Variants in TTC28 observed in about 807,000 individuals in gnomAD.
The protein encoded by TTC28 is tetratricopeptide repeat protein 28.
A neutral mutation model predicts 198.0 loss-of-function variants in TTC28; 61 were observed. The ratio of observed to expected loss-of-function variants is 0.31; its 90% CI spans 0.25 to 0.38. TTC28 has a LOEUF of 0.38. Ranked by LOEUF, TTC28 falls within the 10% of genes least tolerant of loss-of-function variation. The probability of loss-of-function intolerance (pLI) is 1.00; values close to 1 mark genes in which losing one functional copy is unlikely to be tolerated. For synonymous variants in TTC28, 1,171 were observed against 1,297.8 expected, an observed-to-expected ratio of 0.90 and a Z score of 2.10; for missense variants, 2,678 against 3,164.0, an observed-to-expected ratio of 0.85 and a Z score of 3.69.
At chr22:28,178,646 GTGGCTGGAGAGGAGT>G (rs1369906653) in intron 5 of TTC28, among the ~76,000 whole-genome samples, 2 of 152,236 alleles carry the variant, frequency 1.3e-5, no homozygotes, top group Non-Finnish European at 2.9e-5. Context: ...AGCAGGGGTA[GTGGCTGGAGAGGAGT>G]TTGTAAAGGT....
intron 2 of TTC28, among the ~76,000 whole-genome samples, chr22:28,436,887 C>T (rs2047528510): frequency 6.6e-6 from 1 of 152,158 alleles, no homozygotes; most frequent in Non-Finnish European, 1.5e-5. Context: ...TTTTCATCTT[C>T]TTCTTTTGAA....
chr22:28,226,985 G>C (rs1488154952), intron 5 of TTC28, among the ~76,000 whole-genome samples: 1 of 152,144 alleles, frequency 6.6e-6, no homozygotes, highest in African/African-American at 2.4e-5. Flanking sequence ...GAGTGCAGTA[G>C]AGCAATCATA....
chr22:28,489,613 CTA>C (rs1375654933), intron 2 of TTC28, among the ~76,000 whole-genome samples: 1 of 152,004 alleles, frequency 6.6e-6, no homozygotes, highest in Non-Finnish European at 1.5e-5. Context: ...TATATTCACT[CTA>C]TATTAGTCAA....
Position 28,483,431 on chromosome 22 carries a change from A to G in TTC28, c.381+146121T>C, listed in dbSNP as rs181374528. 2.0e-3 allele frequency among the ~76,000 whole-genome samples: 304 copies of G among 152,242 alleles called. 2 individuals are homozygous for G. The highest frequency in any genetic ancestry group is 6.3e-3 in the African/African-American group (263 of 41,536). ...GATAATTAAATACTGATACTGACTC[A>G]ACAGTCAGTGAAACTTTTTTTTAAT... On this transcript the variant is annotated intron_variant, in intron 2 of 22. Coordinates refer to ENST00000397906, the MANE Select transcript of TTC28 (RefSeq NM_001145418.2).
intron 1 of TTC28, among the ~76,000 whole-genome samples, chr22:28,659,045 A>G (rs2145691566): frequency 6.6e-6 from 1 of 152,280 alleles, no homozygotes; most frequent in South Asian, 2.1e-4. Flanking sequence ...TCTCCCTATC[A>G]TGTAAGAAAA....
intron 12 of TTC28, among the ~76,000 whole-genome samples, chr22:28,041,516 A>G (rs1435165784): frequency 6.6e-6 from 1 of 152,240 alleles, no homozygotes; most frequent in Non-Finnish European, 1.5e-5. Context: ...GTGCTGGGAA[A>G]ACTGGCTAGC....
intron 2 of TTC28, among the ~76,000 whole-genome samples, chr22:28,336,802 A>C (rs894634548): frequency 1.3e-5 from 2 of 151,984 alleles, no homozygotes; most frequent in African/African-American, 2.4e-5. Context: ...TCCTGGATTC[A>C]CTGATTTTTT....
At chr22:28,517,472 A>C (rs1242496170) in intron 2 of TTC28, among the ~76,000 whole-genome samples, 1 of 152,234 alleles carries the variant, frequency 6.6e-6, no homozygotes, top group Non-Finnish European at 1.5e-5. Context: ...GAGGAAAAGA[A>C]AAATCTTTAC....
intron 2 of TTC28, among the ~76,000 whole-genome samples, chr22:28,424,169 T>C (rs1053189931): frequency 6.6e-5 from 10 of 152,214 alleles, no homozygotes; most frequent in African/African-American, 2.2e-4. Context: ...ACTTGATGTT[T>C]TGATATACAA....
intron 2 of TTC28, among the ~76,000 whole-genome samples, chr22:28,391,775 C>T (rs2146069572): frequency 6.6e-6 from 1 of 152,276 alleles, no homozygotes; most frequent in South Asian, 2.1e-4. Flanking sequence ...AACTTCTTTG[C>T]CTTTGATTTG....
intron 2 of TTC28, among the ~76,000 whole-genome samples, chr22:28,574,375 GT>G (rs1463300909): frequency 3.6e-4 from 54 of 151,572 alleles, no homozygotes; most frequent in African/African-American, 6.0e-4. Context: ...GTGTGTGTGT[GT>G]TGTGTGTGAG....
chr22:28,132,206 CTTGAAGGTGTCCTG>C (rs1025995740), intron 6 of TTC28, among the ~76,000 whole-genome samples: 11 of 152,182 alleles, frequency 7.2e-5, no homozygotes, highest in South Asian at 4.1e-4. Flanking sequence ...GATACATATA[CTTGAAGGTGTCCTG>C]TTGGAGGCCA....
At chr22:28,580,990 A>C (rs931426740) in intron 2 of TTC28, among the ~76,000 whole-genome samples, 13 of 152,132 alleles carry the variant, frequency 8.5e-5, no homozygotes, top group African/African-American at 2.4e-4. Context: ...TATTTATAAA[A>C]AATAAAGTAA....
intron 1 of TTC28, among the ~76,000 whole-genome samples, chr22:28,638,909 T>TC (rs1569076856): frequency 6.6e-6 from 1 of 152,180 alleles, no homozygotes. Flanking sequence ...CAAGCTATCC[T>TC]CCCACCTCTC....
At chr22:28,191,491 C>T (rs1569188019) in intron 5 of TTC28, among the ~76,000 whole-genome samples, 1 of 152,234 alleles carries the variant, frequency 6.6e-6, no homozygotes, top group Non-Finnish European at 1.5e-5. Context: ...CAGGGCGAGG[C>T]ATCGCCTCAC....
chr22:28,004,590 A>G lies in TTC28; in HGVS notation c.4219-3037T>C, dbSNP rs563326575. 2.0e-5 allele frequency among the ~76,000 whole-genome samples: 3 copies of G among 152,312 alleles called. No individual in the cohort carries two copies. In the South Asian group the frequency reaches 6.2e-4, roughly 32 times the overall value. On this transcript the variant is annotated intron_variant, in intron 14 of 22. Coordinates refer to ENST00000397906, the MANE Select transcript of TTC28 (RefSeq NM_001145418.2). ...ATACAACCCTGGGTGAAGGTCCCCA[A>G]ATGGGACCCCTGTCCAAACTCTGTG...
At chr22:28,493,484 A>T (rs1457393980) in intron 2 of TTC28, among the ~76,000 whole-genome samples, 1 of 152,266 alleles carries the variant, frequency 6.6e-6, no homozygotes, top group East Asian at 1.9e-4. Flanking sequence ...TTTCTACAGG[A>T]ATCACATCAC....
rs1385295655 is a variant in TTC28 at position 27,979,063 on chromosome 22, C to T, written c.*3158G>A. 1 of 152,302 alleles carries T rather than the reference C, an allele frequency of 6.6e-6. No individual in the cohort carries two copies. Among genetic ancestry groups the T allele is most frequent in the Non-Finnish European group, 1.5e-5 (1 of 68,074 alleles). The allele number at this position is 152,302 out of a possible 1,614,324, so 9.4% of individuals were successfully genotyped here. On this transcript the variant is annotated 3_prime_UTR_variant, in exon 23 of 23. Coordinates refer to ENST00000397906, the MANE Select transcript of TTC28 (RefSeq NM_001145418.2). Reference sequence around the variant, plus strand: ...TTTGCTTCCATCCACGTGGCCCTCACATACCCTGGGCTCCCCGGACGCCAG... The same window carrying T: ...TTTGCTTCCATCCACGTGGCCCTCATATACCCTGGGCTCCCCGGACGCCAG...
chr22:28,028,830 C>A, intron 13 of TTC28: 1 of 358,978 alleles, frequency 2.8e-6, no homozygotes, highest in Non-Finnish European at 5.6e-6. Flanking sequence ...TATACATTGG[C>A]TCCTTTATTC....
Sources: gnomAD v4.1 joint callset for allele counts (sites outside exome capture counted in the v4.1 genomes callset) on GRCh38, gnomAD v4.1.1 for gene constraint, MANE v1.5 for transcripts, NCBI Gene and HGNC (gene_info 2026-07-23, HGNC 2026-07-21) for gene names.